The following SRRM4 variants were observed in gnomAD, a reference collection of about 807,000 sequenced individuals.
SRRM4 encodes the protein serine/arginine repetitive matrix 4.
A neutral mutation model predicts 68.9 loss-of-function variants in SRRM4; 33 were observed. The ratio of observed to expected loss-of-function variants is 0.48; its 90% confidence interval spans 0.36 to 0.64. The LOEUF (loss-of-function observed/expected upper bound fraction) is 0.64. SRRM4 is among the 30% of genes least tolerant of loss of function. The pLI is 0.00. For missense variants in SRRM4, 817 were observed against 827.1 expected (o/e 0.99, Z 0.15); for synonymous variants, 318 against 318.8 (o/e 1.00, Z 0.03).
chr12:119,149,333 C>T (rs879271578), intron 9 of SRRM4, among the ~76,000 whole-genome samples: 6 of 152,026 alleles, frequency 3.9e-5, no homozygotes, highest in Non-Finnish European at 5.9e-5. Context: ...GGCGACAGAG[C>T]GAGACTGTCT....
intron 1 of SRRM4, among the ~76,000 whole-genome samples, chr12:119,100,322 C>T (rs1954070588): frequency 2.6e-5 from 1 of 38,294 alleles, no homozygotes; most frequent in Non-Finnish European, 5.1e-5. Context: ...GGGACCCTGT[C>T]TCTACAAAAA....
chr12:119,039,715 T>C (rs1220674433), intron 1 of SRRM4, among the ~76,000 whole-genome samples: 1 of 152,160 alleles, frequency 6.6e-6, no homozygotes, highest in Non-Finnish European at 1.5e-5. Context: ...AGTATTATCA[T>C]AAATATCCAG....
chr12:119,125,438 G>A lies in SRRM4; in HGVS notation c.573G>A (p.Arg191=). The A allele has an allele frequency of 1.9e-6, 3 of 1,613,404 alleles. No individual in the cohort carries two copies. The highest frequency in any genetic ancestry group is 2.5e-6 in the Non-Finnish European group (3 of 1,179,688). The change falls in exon 7 of 13, where the codon CGG becomes CGA. Residue 191 remains arginine, a synonymous_variant. Transcript: ENST00000267260. Reference sequence around the variant, plus strand: ...ACCGCCATCACCGCTGCCCCTCGCGGTCCCAGAGCTCGGAGTCCCGCCCCT... The same window carrying A: ...ACCGCCATCACCGCTGCCCCTCGCGATCCCAGAGCTCGGAGTCCCGCCCCT... The part of the protein sequence containing the change: ...HRHRHHRCPS[R]SQSSESRPSS...
At chr12:118,993,746 A>G (rs190381922) in intron 1 of SRRM4, 1 of 152,354 alleles carries the variant, frequency 6.6e-6, no homozygotes, top group East Asian at 1.9e-4. Context: ...GGCACAGAGT[A>G]GTCAAGTCAC....
chr12:118,983,153 T>C (rs1336632261), intron 1 of SRRM4, among the ~76,000 whole-genome samples: 2 of 152,312 alleles, frequency 1.3e-5, no homozygotes, highest in East Asian at 1.9e-4. Flanking sequence ...TTCTGAACTT[T>C]CCAGTGAGTG....
intron 1 of SRRM4, among the ~76,000 whole-genome samples, chr12:119,074,156 T>C (rs945634626): frequency 6.6e-6 from 1 of 152,082 alleles, no homozygotes; most frequent in African/African-American, 2.4e-5. Context: ...CTCTTTCTTA[T>C]CTTCCCTTCC....
At chr12:118,998,329 T>C (rs1229806766) in intron 1 of SRRM4, among the ~76,000 whole-genome samples, 2 of 130,272 alleles carry the variant, frequency 1.5e-5, no homozygotes, top group African/African-American at 5.8e-5. Context: ...CTCTAACCAA[T>C]TGGTAGTTGT....
intron 1 of SRRM4, among the ~76,000 whole-genome samples, chr12:119,058,825 A>G (rs1242586998): frequency 1.3e-5 from 2 of 151,844 alleles, no homozygotes; most frequent in Admixed American, 6.6e-5. Flanking sequence ...TTCTCTTAAC[A>G]TGTTTTGCCT....
At chr12:119,087,647 A>G (rs912526015) in intron 1 of SRRM4, among the ~76,000 whole-genome samples, 1 of 152,216 alleles carries the variant, frequency 6.6e-6, no homozygotes, top group African/African-American at 2.4e-5. Context: ...TAGACTGTGC[A>G]GACAGCAGCC....
Position 119,129,390 on chromosome 12 carries a change from G to A in SRRM4, c.615-1288G>A, listed in dbSNP as rs558127550. Among the ~76,000 whole-genome samples the A allele has an allele frequency of 4.9e-4, 74 of 152,172 alleles. 1 individual carries two copies. The South Asian group carries it at 7.3e-3, about 15-fold the overall frequency. The stretch of plus-strand genomic sequence containing the variant: ...GCAGACCAAGCAGCCAGATCTAGAC[G>A]TGACAAACTTGCAGAAGGCATCTCT... On this transcript the variant is annotated intron_variant, in intron 7 of 12. Coordinates refer to ENST00000267260, the MANE Select transcript of SRRM4 (RefSeq NM_194286.4).
At chr12:119,021,681 C>A (rs1318846171) in intron 1 of SRRM4, among the ~76,000 whole-genome samples, 1 of 152,164 alleles carries the variant, frequency 6.6e-6, no homozygotes, top group African/African-American at 2.4e-5. Context: ...GATGTGCTTG[C>A]GACTTCATTG....
intron 2 of SRRM4, among the ~76,000 whole-genome samples, chr12:119,104,443 A>G (rs1954095111): frequency 7.1e-6 from 1 of 141,450 alleles, no homozygotes; most frequent in African/African-American, 2.4e-5. Context: ...TAACAGTGAT[A>G]ATAAAAGTAA....
rs138498803 is a variant in SRRM4, at chr12:119,136,782, G to T, written c.771+5948G>T. ...GGTGGGCAGGGGGTCCTCAGGAGAG[G>T]CTTCAAAGAAAGGGTGAGCCTGAAG... On this transcript the variant is annotated intron_variant, in intron 8 of 12. Transcript: ENST00000267260. Among the ~76,000 whole-genome samples the T allele has an allele frequency of 1.4e-3, 206 of 152,232 alleles. 2 individuals carry two copies. The highest frequency in any genetic ancestry group is 4.7e-3 in the African/African-American group (196 of 41,538).
intron 1 of SRRM4, among the ~76,000 whole-genome samples, chr12:118,995,525 C>G (rs1212992665): frequency 6.6e-6 from 1 of 152,174 alleles, no homozygotes; most frequent in Non-Finnish European, 1.5e-5. Flanking sequence ...GGATATCTGT[C>G]CACCTGCACT....
intron 1 of SRRM4, among the ~76,000 whole-genome samples, chr12:118,983,572 C>A (rs1181029363): frequency 6.6e-6 from 1 of 152,188 alleles, no homozygotes; most frequent in Admixed American, 6.5e-5. Context: ...AGGTGCTGCA[C>A]TGGCCAAAGA....
intron 1 of SRRM4, among the ~76,000 whole-genome samples, chr12:119,078,710 A>G (rs1450728065): frequency 6.6e-6 from 1 of 152,184 alleles, no homozygotes; most frequent in Non-Finnish European, 1.5e-5. Flanking sequence ...GCTTGAGCCC[A>G]GAAGTTTGAG....
chr12:119,010,296 G>A (rs910221217), intron 1 of SRRM4, among the ~76,000 whole-genome samples: 34 of 152,214 alleles, frequency 2.2e-4, no homozygotes, highest in Admixed American at 1.2e-3. Flanking sequence ...CAAGTAATCC[G>A]CCCGCCTCAG....
intron 1 of SRRM4, among the ~76,000 whole-genome samples, chr12:119,076,072 A>G (rs57961828): frequency 0.037 from 5,675 of 151,744 alleles, 193 homozygotes; most frequent in East Asian, 0.12. Context: ...TAGTAATGGT[A>G]ATGATAATAA....
chr12:119,105,950 A>G (rs536578231), intron 2 of SRRM4, among the ~76,000 whole-genome samples: 66 of 152,266 alleles, frequency 4.3e-4, no homozygotes, highest in Non-Finnish European at 7.8e-4. Flanking sequence ...TAAGTCTAAC[A>G]TTTAAGTCTT....
Sources: allele counts gnomAD v4.1 joint callset (sites outside exome capture counted in the v4.1 genomes callset), GRCh38; gene constraint gnomAD v4.1.1; transcripts MANE v1.5; gene names NCBI Gene and HGNC (gene_info 2026-07-23, HGNC 2026-07-21).